The following RCOR1 variants were observed in gnomAD, a reference collection of about 807,000 sequenced individuals.
The protein encoded by RCOR1 is REST corepressor.
In RCOR1, 12 loss-of-function variants were observed where a neutral mutation model predicts 64.0. The observed-to-expected ratio is 0.19, with a 90% CI of 0.12 to 0.30. The LOEUF (loss-of-function observed/expected upper bound fraction) is 0.30. Ranked by LOEUF, RCOR1 falls within the 10% of genes least tolerant of loss-of-function variation. The probability of loss-of-function intolerance (pLI) is 1.00; values close to 1 mark genes in which losing one functional copy is unlikely to be tolerated. For synonymous variants in RCOR1, 279 were observed against 227.2 expected (o/e 1.23, Z -2.05); for missense variants, 502 against 621.2 (o/e 0.81, Z 2.04).
intron 2 of RCOR1, chr14:102,658,411 A>T: frequency 2.0e-6 from 1 of 495,712 alleles, no homozygotes; most frequent in Non-Finnish European, 2.6e-6. Context: ...TGCTTGAACT[A>T]GGGAGGTAAG....
chr14:102,611,966 G>C (rs979162051), intron 2 of RCOR1, among the ~76,000 whole-genome samples: 5 of 152,140 alleles, frequency 3.3e-5, no homozygotes, highest in Admixed American at 3.3e-4. Context: ...GCTATACCAT[G>C]CCTGGTTATT....
At chr14:102,726,373 T>C (rs1242694784) in intron 11 of RCOR1, 95 bp from the exon 12 acceptor site, 1 of 1,121,620 alleles carries the variant, frequency 8.9e-7, no homozygotes, top group Non-Finnish European at 1.3e-6. Flanking sequence ...GCAGGTTTGC[T>C]GGCTACCTTC....
intron 2 of RCOR1, among the ~76,000 whole-genome samples, chr14:102,611,322 G>A (rs971324447): frequency 1.2e-4 from 18 of 151,880 alleles, no homozygotes; most frequent in African/African-American, 4.4e-4. Context: ...TCCCACTTTG[G>A]CCTCCCAAAG....
At chr14:102,713,197 A>T (rs1595242702) in intron 7 of RCOR1, among the ~76,000 whole-genome samples, 1 of 149,132 alleles carries the variant, frequency 6.7e-6, no homozygotes. Flanking sequence ...CAAGTGATCC[A>T]CCCACCTCGG....
chr14:102,649,710 G>T, intron 2 of RCOR1: 1 of 770,048 alleles, frequency 1.3e-6, no homozygotes, highest in Non-Finnish European at 1.6e-6. Flanking sequence ...TGTCCTAGTT[G>T]CATGGCTTGT....
intron 2 of RCOR1, among the ~76,000 whole-genome samples, chr14:102,596,297 T>G (rs543951188): frequency 6.6e-6 from 1 of 152,232 alleles, no homozygotes; most frequent in African/African-American, 2.4e-5. Context: ...GAGACAGGGT[T>G]TCTCCATGTT....
chr14:102,709,914 T>G (rs1895924544), intron 6 of RCOR1, among the ~76,000 whole-genome samples: 1 of 151,184 alleles, frequency 6.6e-6, no homozygotes, highest in Non-Finnish European at 1.5e-5. Context: ...CCCTGGAGGC[T>G]TTTTTTTTGC....
At chr14:102,684,087 G>A (rs1187531892) in intron 3 of RCOR1, among the ~76,000 whole-genome samples, 1 of 152,214 alleles carries the variant, frequency 6.6e-6, no homozygotes, top group Non-Finnish European at 1.5e-5. Flanking sequence ...TGAGCGCTAG[G>A]AACAGGTTCC....
intron 2 of RCOR1, among the ~76,000 whole-genome samples, chr14:102,665,311 CTTTTTTTTTTT>C (rs35214723): frequency 1.5e-5 from 2 of 132,032 alleles, no homozygotes; most frequent in Non-Finnish European, 3.2e-5. Flanking sequence ...GGCCTCAACA[CTTTTTTTTTTT>C]TTTTTTTTAA....
In RCOR1 at chr14:102,729,535, G is replaced by A. The variant is rs748574531; in HGVS notation, c.*3029G>A. 8.6e-6 allele frequency: 2 copies of A among 233,840 alleles called. No homozygotes were observed. Among genetic ancestry groups the A allele is most frequent in the East Asian group, 8.3e-5 (1 of 12,058 alleles). 14.5% of individuals were successfully genotyped at this position (233,840 alleles called of 1,614,324 possible). On this transcript the variant is annotated 3_prime_UTR_variant, in exon 12 of 12. Coordinates refer to ENST00000262241, the MANE Select transcript of RCOR1 (RefSeq NM_015156.4). The stretch of plus-strand genomic sequence containing the variant: ...TTTGATTGTTTTTAACCTATAAGAC[G>A]TTCTGATGCTCACAAACCTCTATTC...
At chr14:102,646,335 A>G (rs938482326) in intron 2 of RCOR1, among the ~76,000 whole-genome samples, 1 of 152,216 alleles carries the variant, frequency 6.6e-6, no homozygotes, top group African/African-American at 2.4e-5. Context: ...ATGAAGAAAA[A>G]GCCATAACAG....
chr14:102,714,587 A>G lies in RCOR1; in HGVS notation c.1023A>G (p.Leu341=). 6.2e-7 allele frequency: 1 copy of G among 1,610,732 alleles called. No individual in the cohort carries two copies. The highest frequency in any genetic ancestry group is 1.1e-5 in the South Asian group (1 of 90,806). Residue 341 remains leucine, a synonymous_variant, in exon 8 of 12, where the codon CTA becomes CTG. Transcript: ENST00000262241. ...CTGCTACCACGGTGCTGAGACAACTAGACATGGAATTGGTTTCAGTCAAAC... is the reference window on the plus strand; with the variant it reads ...CTGCTACCACGGTGCTGAGACAACTGGACATGGAATTGGTTTCAGTCAAAC... ...ATAATTVLRQ[L]DMELVSVKRQ...
intron 2 of RCOR1, chr14:102,659,047 A>T: frequency 1.2e-6 from 1 of 809,554 alleles, no homozygotes; most frequent in South Asian, 5.6e-5. Context: ...CCTAGAGGGG[A>T]GTGGGGAATA....
intron 2 of RCOR1, among the ~76,000 whole-genome samples, chr14:102,632,756 TCCCCTCC>T (rs1567415351): frequency 8.7e-5 from 4 of 45,908 alleles, no homozygotes; most frequent in African/African-American, 3.7e-4. Flanking sequence ...TCCCCTCCCC[TCCCCTCC>T]CCTCCCCTCT....
At chr14:102,608,554 C>T (rs1289606928) in intron 2 of RCOR1, among the ~76,000 whole-genome samples, 1 of 152,108 alleles carries the variant, frequency 6.6e-6, no homozygotes, top group African/African-American at 2.4e-5. Flanking sequence ...CCTGCCTCAG[C>T]CTCCCAAGTA....
intron 3 of RCOR1, among the ~76,000 whole-genome samples, chr14:102,694,522 G>T (rs879736968): frequency 4.6e-5 from 7 of 152,118 alleles, no homozygotes; most frequent in Admixed American, 3.9e-4. Context: ...TGATCCACCC[G>T]CCTCGTCCTC....
rs1447612658 is a variant in RCOR1, at chr14:102,722,792, C to T, written c.1419+376C>T. On this transcript the variant is annotated intron_variant, in intron 11 of 11. Coordinates refer to ENST00000262241, the MANE Select transcript of RCOR1 (RefSeq NM_015156.4). ...TCTGTGAGGGATGTCGATGAAGCTC[C>T]GTCATCTGCAATGTGCAGTCACATC... is the stretch of plus-strand genomic sequence containing the variant. 2.6e-5 allele frequency among the ~76,000 whole-genome samples: 4 copies of T among 152,216 alleles called. No individual in the cohort carries two copies. In the South Asian group the frequency reaches 6.2e-4, roughly 24 times the overall value.
intron 2 of RCOR1, among the ~76,000 whole-genome samples, chr14:102,650,331 A>T (rs1437527132): frequency 1.5e-5 from 2 of 133,580 alleles, no homozygotes; most frequent in Non-Finnish European, 3.1e-5. Flanking sequence ...GTGCCACTGC[A>T]CTTCAGCCTG....
chr14:102,727,275 T>C lies in RCOR1; in HGVS notation c.*769T>C, dbSNP rs1204462511. 2.0e-5 allele frequency: 3 copies of C among 147,690 alleles called. No homozygotes were observed. Among genetic ancestry groups the C allele is most frequent in the Non-Finnish European group, 4.5e-5 (3 of 66,878 alleles). The allele number at this position is 147,690 out of a possible 1,614,324, so 9.1% of individuals were successfully genotyped here. A position where few individuals can be genotyped will look rare whatever the true frequency, so the allele number is the denominator to read the frequency against. ...CCCAGGGTGGTTGCCACCCCATCTT[T>C]TCCTGACCCCCCCCACCCCCCCACC... On this transcript the variant is annotated 3_prime_UTR_variant, in exon 12 of 12. Coordinates refer to ENST00000262241, the MANE Select transcript of RCOR1 (RefSeq NM_015156.4).
Sources: allele counts gnomAD v4.1 joint callset (sites outside exome capture counted in the v4.1 genomes callset), GRCh38; gene constraint gnomAD v4.1.1; transcripts MANE v1.5; gene names NCBI Gene and HGNC (gene_info 2026-07-23, HGNC 2026-07-21).